The following CHST8 variants were observed in gnomAD, a reference collection of about 807,000 sequenced individuals.
CHST8 encodes carbohydrate sulfotransferase 8.
In CHST8, 10 loss-of-function variants were observed where a neutral mutation model predicts 15.0. The observed-to-expected ratio is 0.67, with a 90% confidence interval of 0.41 to 1.13. CHST8 has a LOEUF of 1.13. Ranked by LOEUF, CHST8 falls within the 50% of genes most tolerant of loss-of-function variation. CHST8 has a pLI of 0.00. For synonymous variants in CHST8, 259 were observed against 256.6 expected (o/e 1.01, Z -0.09); for missense variants, 634 against 608.2 (o/e 1.04, Z -0.45).
chr19:33,772,224 TGGG>T lies in CHST8; in HGVS notation c.437_439del (p.Trp146_Val147delinsPhe). The T allele has an allele frequency of 6.3e-7, 1 of 1,596,670 alleles. No homozygotes were observed. Among genetic ancestry groups the T allele is most frequent in the Non-Finnish European group, 8.5e-7 (1 of 1,175,870 alleles). On this transcript the variant is annotated inframe_deletion, in exon 5 of 5. Transcript: ENST00000650847. ...GGGACCCGGGACGCTGGATGGCCGCTGGGTCAGCCTGCACCGGAGCCAGCAGGA... is the reference window on the plus strand; with the variant it reads ...GGGACCCGGGACGCTGGATGGCCGCTTCAGCCTGCACCGGAGCCAGCAGGA...
At chr19:33,732,002 A>G (rs570138739) in intron 3 of CHST8, among the ~76,000 whole-genome samples, 40 of 152,268 alleles carry the variant, frequency 2.6e-4, no homozygotes, top group African/African-American at 9.1e-4. Context: ...TAATCCACAC[A>G]CTGCTCACAC....
chr19:33,709,435 G>C (rs1345310083), intron 3 of CHST8, among the ~76,000 whole-genome samples: 1 of 152,142 alleles, frequency 6.6e-6, no homozygotes, highest in African/African-American at 2.4e-5. Flanking sequence ...CCATGAATAG[G>C]TGTTGGATTT....
chr19:33,675,148 A>T (rs1972792949), intron 2 of CHST8, among the ~76,000 whole-genome samples: 1 of 152,064 alleles, frequency 6.6e-6, no homozygotes, highest in Admixed American at 6.6e-5. Context: ...CTACTCACTG[A>T]GCTGGGAGGA....
chr19:33,770,531 T>C (rs1974956139), intron 3 of CHST8, among the ~76,000 whole-genome samples: 1 of 152,234 alleles, frequency 6.6e-6, no homozygotes, highest in Admixed American at 6.5e-5. Flanking sequence ...TCCTGCGACT[T>C]TCCCCCAAAG....
intron 3 of CHST8, among the ~76,000 whole-genome samples, chr19:33,732,397 G>A (rs1974012559): frequency 6.6e-6 from 1 of 151,938 alleles, no homozygotes; most frequent in South Asian, 2.1e-4. Context: ...CCACAAGACT[G>A]ACTTTACTTC....
At chr19:33,650,203 G>A (rs1387992270) in intron 1 of CHST8, among the ~76,000 whole-genome samples, 2 of 152,156 alleles carry the variant, frequency 1.3e-5, no homozygotes, top group South Asian at 2.1e-4. Context: ...GCAAGGGAGA[G>A]GTGTGTGTCC....
chr19:33,709,076 C>T (rs1973500445), intron 3 of CHST8, among the ~76,000 whole-genome samples: 1 of 152,094 alleles, frequency 6.6e-6, no homozygotes, highest in Non-Finnish European at 1.5e-5. Flanking sequence ...GTATATTTAT[C>T]TTGGAACCTG....
chr19:33,690,487 G>A (rs1390404175), intron 3 of CHST8, among the ~76,000 whole-genome samples: 1 of 152,206 alleles, frequency 6.6e-6, no homozygotes, highest in African/African-American at 2.4e-5. Context: ...CACCAGGAAG[G>A]AAGGTGAAAA....
intron 3 of CHST8, among the ~76,000 whole-genome samples, chr19:33,769,217 C>T (rs1232236341): frequency 6.6e-6 from 1 of 152,216 alleles, no homozygotes; most frequent in Non-Finnish European, 1.5e-5. Context: ...GCTGCAACCT[C>T]AACAAGCACA....
intron 3 of CHST8, among the ~76,000 whole-genome samples, chr19:33,734,794 C>T (rs922244078): frequency 6.6e-6 from 1 of 152,182 alleles, no homozygotes; most frequent in African/African-American, 2.4e-5. Flanking sequence ...ACTGACTTCC[C>T]CCAGGGACCT....
At chr19:33,751,621 C>A (rs1974422883) in intron 3 of CHST8, among the ~76,000 whole-genome samples, 1 of 152,182 alleles carries the variant, frequency 6.6e-6, no homozygotes, top group South Asian at 2.1e-4. Context: ...GGCCCACCGT[C>A]CCCGGGCACT....
chr19:33,715,818 G>A (rs1232827857), intron 3 of CHST8, among the ~76,000 whole-genome samples: 1 of 152,194 alleles, frequency 6.6e-6, no homozygotes, highest in African/African-American at 2.4e-5. Flanking sequence ...AGCACCTGCT[G>A]TGTGCCTGGC....
chr19:33,762,872 T>C (rs1974765811), intron 3 of CHST8, among the ~76,000 whole-genome samples: 1 of 148,604 alleles, frequency 6.7e-6, no homozygotes, highest in African/African-American at 2.5e-5. Context: ...CTCTTTTTTT[T>C]TTTTTTTGAG....
At chr19:33,761,457 G>A (rs1051278916) in intron 3 of CHST8, among the ~76,000 whole-genome samples, 10 of 151,998 alleles carry the variant, frequency 6.6e-5, no homozygotes, top group African/African-American at 1.9e-4. Flanking sequence ...AGCCTCCTGA[G>A]TAGCTGGGAT....
chr19:33,724,378 C>A (rs1242498059), intron 3 of CHST8, among the ~76,000 whole-genome samples: 1 of 152,348 alleles, frequency 6.6e-6, no homozygotes, highest in East Asian at 1.9e-4. Context: ...AGGGGCCTCA[C>A]CTTCCCCAGT....
At chr19:33,760,612 C>T (rs1974703383) in intron 3 of CHST8, among the ~76,000 whole-genome samples, 1 of 152,024 alleles carries the variant, frequency 6.6e-6, no homozygotes, top group Admixed American at 6.6e-5. Context: ...AACCACTGTA[C>T]CTGGCCCTGC....
At position 33,773,394 on chromosome 19, in the gene CHST8, C is replaced by T. The variant is rs946176865; in HGVS notation, c.*331C>T. On this transcript the variant is annotated 3_prime_UTR_variant, in exon 5 of 5. Transcript: ENST00000650847. Reference sequence around the variant, plus strand: ...GGGGGCCCAGCGGTAAGGGATGTCCCGCACTCCCTTAGCCATTGCCTTGGA... The same window carrying T: ...GGGGGCCCAGCGGTAAGGGATGTCCTGCACTCCCTTAGCCATTGCCTTGGA... 1.6e-5 allele frequency: 6 copies of T among 365,308 alleles called. No homozygotes were observed. Among genetic ancestry groups the T allele is most frequent in the Non-Finnish European group, 3.0e-5 (6 of 200,260 alleles). The allele number at this position is 365,308 out of a possible 1,614,324, so 22.6% of individuals were successfully genotyped here. A position where few individuals can be genotyped will look rare whatever the true frequency, so the allele number is the denominator to read the frequency against.
In CHST8 at chr19:33,686,606, A is replaced by G. The variant is rs149006643; in HGVS notation, c.-86-2570A>G. Among the ~76,000 whole-genome samples the G allele has an allele frequency of 5.2e-3, 790 of 152,252 alleles. 6 individuals are homozygous for G. Among genetic ancestry groups the G allele is most frequent in the African/African-American group, 0.017 (712 of 41,556 alleles). ...GGGACCCATTATTAGCTGTTTTACC[A>G]GGCAGTTCTGGGCGCTAGCCATGAA... On this transcript the variant is annotated intron_variant, in intron 2 of 4. Coordinates refer to ENST00000650847, the MANE Select transcript of CHST8 (RefSeq NM_001127895.2).
chr19:33,679,921 G>T (rs764604523), intron 2 of CHST8, among the ~76,000 whole-genome samples: 9 of 152,130 alleles, frequency 5.9e-5, no homozygotes, highest in Non-Finnish European at 1.2e-4. Flanking sequence ...CCCTTCTCTG[G>T]GCAACCCACA....
Sources: allele counts gnomAD v4.1 joint callset (sites outside exome capture counted in the v4.1 genomes callset), GRCh38; gene constraint gnomAD v4.1.1; transcripts MANE v1.5; gene names NCBI Gene and HGNC (gene_info 2026-07-23, HGNC 2026-07-21).